Variants in ADGB observed in about 807,000 individuals in gnomAD.
ADGB encodes androglobin.
ADGB carries 172 observed loss-of-function variants against 210.5 expected under a neutral mutation model. The ratio of observed to expected loss-of-function variants is 0.82; its 90% CI spans 0.72 to 0.93. The LOEUF is 0.93. Ranked by LOEUF, ADGB falls within the 40% of genes least tolerant of loss-of-function variation. The pLI is 0.00. For missense variants in ADGB, 2,025 were observed against 1,964.8 expected, an observed-to-expected ratio of 1.03 and a Z score of -0.58; for synonymous variants, 658 against 662.7, an observed-to-expected ratio of 0.99 and a Z score of 0.11.
At chr6:146,764,872 T>C (rs2114626366) in intron 28 of ADGB, among the ~76,000 whole-genome samples, 1 of 152,322 alleles carries the variant, frequency 6.6e-6, no homozygotes, top group East Asian at 1.9e-4. Context: ...TGATCTCGGC[T>C]CACTGCAACC....
At chr6:146,646,827 G>A (rs543779381) in intron 3 of ADGB, among the ~76,000 whole-genome samples, 2 of 152,086 alleles carry the variant, frequency 1.3e-5, no homozygotes, top group African/African-American at 2.4e-5. Context: ...GGTGGCTCAT[G>A]CCTGTAATCC....
intron 4 of ADGB, 40 bp from the exon 5 acceptor site, chr6:146,656,731 T>C: frequency 7.1e-7 from 1 of 1,402,698 alleles, no homozygotes; most frequent in Non-Finnish European, 9.5e-7. Context: ...TACCTACAAC[T>C]GAAAAATAAC....
At chr6:146,746,151 AT>A (rs1197672940) in intron 26 of ADGB, 42 bp downstream of exon 26, 2 of 1,334,924 alleles carry the variant, frequency 1.5e-6, no homozygotes, top group Non-Finnish European at 2.0e-6. Context: ...TTTTTAAAAA[AT>A]ATTAATATTT....
chr6:146,629,554 A>G (rs1781029132), intron 1 of ADGB, among the ~76,000 whole-genome samples: 2 of 152,204 alleles, frequency 1.3e-5, no homozygotes, highest in Non-Finnish European at 2.9e-5. Flanking sequence ...GCAAAACATA[A>G]TCTTAGTAAA....
chr6:146,722,576 A>G (rs911093156), intron 17 of ADGB, among the ~76,000 whole-genome samples: 1 of 152,200 alleles, frequency 6.6e-6, no homozygotes, highest in African/African-American at 2.4e-5. Context: ...GGCCTTAGGC[A>G]CTGCCAGTAT....
At chr6:146,726,524 C>T (rs1336516353) in intron 19 of ADGB, among the ~76,000 whole-genome samples, 7 of 152,158 alleles carry the variant, frequency 4.6e-5, no homozygotes, top group African/African-American at 1.7e-4. Context: ...CACCCAGCCA[C>T]AACTGCAATT....
At chr6:146,614,176 TCTCCCTCCCTCCCTCC>T (rs147963385) in intron 1 of ADGB, among the ~76,000 whole-genome samples, 5 of 139,344 alleles carry the variant, frequency 3.6e-5, no homozygotes, top group South Asian at 2.4e-4. Context: ...ACTTGTTTTC[TCTCCCTCCCTCCCTCC>T]CTCCCTCCCT....
intron 1 of ADGB, among the ~76,000 whole-genome samples, chr6:146,622,796 C>T (rs1442971985): frequency 2.0e-5 from 3 of 151,908 alleles, no homozygotes; most frequent in African/African-American, 4.8e-5. Flanking sequence ...ATATCTTTGG[C>T]ATATCTTAGG....
intron 27 of ADGB, 143 bp downstream of exon 27, chr6:146,752,857 C>A: frequency 1.5e-6 from 1 of 685,166 alleles, no homozygotes; most frequent in Non-Finnish European, 2.1e-6. Context: ...ACAAGTATAG[C>A]ATTTGCATGT....
chr6:146,710,599 C>A (rs1776645398), intron 13 of ADGB, among the ~76,000 whole-genome samples: 1 of 151,954 alleles, frequency 6.6e-6, no homozygotes, highest in Admixed American at 6.6e-5. Flanking sequence ...GGCACATCAT[C>A]ACATACAGAT....
At chr6:146,688,924 GA>G (rs1195549529) in intron 10 of ADGB, among the ~76,000 whole-genome samples, 1 of 152,132 alleles carries the variant, frequency 6.6e-6, no homozygotes, top group Non-Finnish European at 1.5e-5. Context: ...TTTATTTAAA[GA>G]AGTGGTAAAA....
intron 2 of ADGB, 29 bp downstream of exon 2, chr6:146,635,566 CATTTTGGTTTT>C: frequency 6.9e-7 from 1 of 1,458,476 alleles, no homozygotes; most frequent in East Asian, 2.7e-5. Context: ...GACTAGGTTT[CATTTTGGTTTT>C]TAATTTTATA....
At chr6:146,689,868 A>G (rs1776278037) in intron 10 of ADGB, among the ~76,000 whole-genome samples, 2 of 152,146 alleles carry the variant, frequency 1.3e-5, no homozygotes, top group African/African-American at 4.8e-5. Flanking sequence ...CATCTATGAA[A>G]AAGTTTTTTA....
chr6:146,615,423 T>C (rs1184704951), intron 1 of ADGB, among the ~76,000 whole-genome samples: 1 of 152,220 alleles, frequency 6.6e-6, no homozygotes, highest in African/African-American at 2.4e-5. Flanking sequence ...ACATTTATTG[T>C]ATCTTTGTGT....
At chr6:146,623,200 C>G (rs1349144637) in intron 1 of ADGB, among the ~76,000 whole-genome samples, 1 of 151,816 alleles carries the variant, frequency 6.6e-6, no homozygotes, top group Non-Finnish European at 1.5e-5. Context: ...ATCAACTTGT[C>G]AAATTCTTTA....
intron 9 of ADGB, among the ~76,000 whole-genome samples, chr6:146,678,117 T>G (rs1776108489): frequency 6.6e-6 from 1 of 152,164 alleles, no homozygotes; most frequent in Non-Finnish European, 1.5e-5. Context: ...ATCAGCTGCT[T>G]TGGTTTCACT....
At chr6:146,679,517 C>T (rs1056575140) in intron 9 of ADGB, among the ~76,000 whole-genome samples, 2 of 152,162 alleles carry the variant, frequency 1.3e-5, no homozygotes, top group African/African-American at 4.8e-5. Flanking sequence ...ACTCATCATT[C>T]GCAATTCTAA....
rs536033699 is a variant in ADGB, at chr6:146,765,120, T to C, written c.3750+1020T>C. On this transcript the variant is annotated intron_variant, in intron 28 of 35. Coordinates refer to ENST00000397944, the MANE Select transcript of ADGB (RefSeq NM_024694.4). Reference sequence around the variant, plus strand: ...GGCCTGATGATAGTTTTAATACATATAGAAACATTATATAAAAATAAAAGG... The same window carrying C: ...GGCCTGATGATAGTTTTAATACATACAGAAACATTATATAAAAATAAAAGG... Among the ~76,000 whole-genome samples the C allele has an allele frequency of 2.7e-3, 417 of 152,122 alleles. 1 individual carries two copies. The highest frequency in any genetic ancestry group is 4.4e-3 in the Non-Finnish European group (302 of 68,006).
chr6:146,814,860 T>C (rs1366165672), intron 35 of ADGB, among the ~76,000 whole-genome samples, 172 bp from the exon 36 acceptor site: 1 of 152,242 alleles, frequency 6.6e-6, no homozygotes, highest in East Asian at 1.9e-4. Context: ...TTTGTCGCTA[T>C]GTTTTGTGTA....
Sources: gnomAD v4.1 joint callset for allele counts (sites outside exome capture counted in the v4.1 genomes callset) on GRCh38, gnomAD v4.1.1 for gene constraint, MANE v1.5 for transcripts, NCBI Gene and HGNC (gene_info 2026-07-23, HGNC 2026-07-21) for gene names.